Variants in SLC9B1 observed in about 807,000 individuals in gnomAD.
The protein encoded by SLC9B1 is sodium/hydrogen exchanger 9B1.
In SLC9B1, 32 loss-of-function variants were observed where a neutral mutation model predicts 51.7. The ratio of observed to expected loss-of-function variants is 0.62; its 90% CI spans 0.47 to 0.83. SLC9B1 has a LOEUF of 0.83. SLC9B1 is among the 40% of genes least tolerant of loss of function. The pLI is 0.00. For synonymous variants in SLC9B1, 145 were observed against 212.7 expected (o/e 0.68, Z 2.77); for missense variants, 406 against 613.2 (o/e 0.66, Z 3.57).
rs1315896123 is a variant in SLC9B1 at position 102,901,317 on chromosome 4, G to T, written c.1348C>A (p.Leu450Met). The change falls in exon 12 of 12, where the codon CTG becomes ATG. Residue 450 changes from leucine (L) to methionine (M), a missense_variant. Physicochemically the swap from Leu to Met is conservative, Grantham distance 15 (BLOSUM62 2). This residue lies in a region of SLC9B1 where 24 missense variants were observed against 30.7 expected (regional missense o/e 0.78). Transcript: ENST00000296422. ...GAGACTCTTGCTGTTTCTAGAGCCAGAGGACCTAACACAGCCTGCATTTAG... is the reference window on the plus strand; with the variant it reads ...GAGACTCTTGCTGTTTCTAGAGCCATAGGACCTAACACAGCCTGCATTTAG... ...KATVQAVLGPLALETARVSAP... is the reference protein window; with the variant it reads ...KATVQAVLGPMALETARVSAP... The T allele has an allele frequency of 6.2e-7, 1 of 1,612,016 alleles. No individual in the cohort carries two copies. The highest frequency in any genetic ancestry group is 1.1e-5 in the South Asian group (1 of 90,996).
chr4:102,925,670 CA>C (rs1180914892), intron 7 of SLC9B1, among the ~76,000 whole-genome samples: 1 of 111,904 alleles, frequency 8.9e-6, no homozygotes, highest in African/African-American at 3.9e-5. Context: ...TTGAAAACAT[CA>C]AAAAAATTAA....
chr4:102,980,106 G>A (rs1031030050), intron 3 of SLC9B1, among the ~76,000 whole-genome samples: 1 of 152,122 alleles, frequency 6.6e-6, no homozygotes. Flanking sequence ...ACAAATGCTG[G>A]TGATGTTCAG....
intron 7 of SLC9B1, among the ~76,000 whole-genome samples, chr4:102,915,335 G>A (rs1735527292): frequency 6.6e-6 from 1 of 152,208 alleles, no homozygotes; most frequent in South Asian, 2.1e-4. Context: ...AAATATATGA[G>A]TGAACATAGA....
At chr4:103,000,915 A>G (rs778375945) in intron 1 of SLC9B1, among the ~76,000 whole-genome samples, 2 of 152,258 alleles carry the variant, frequency 1.3e-5, no homozygotes, top group Non-Finnish European at 2.9e-5. Context: ...GAGGGGGTCC[A>G]ACCCTACATT....
intron 10 of SLC9B1, 180 bp downstream of exon 10, chr4:102,906,356 T>TA (rs944226930): frequency 0.014 from 4,664 of 337,070 alleles, 2 homozygotes; most frequent in Middle Eastern, 0.029. Context: ...CCTTGGTTTA[T>TA]AAAAAAAAAA....
At chr4:102,916,837 G>A (rs1359084692) in intron 7 of SLC9B1, among the ~76,000 whole-genome samples, 3 of 152,194 alleles carry the variant, frequency 2.0e-5, no homozygotes, top group African/African-American at 7.2e-5. Flanking sequence ...TAACCAATTG[G>A]CCTGTATGGT....
At chr4:102,915,030 G>C (rs1735512861) in intron 7 of SLC9B1, among the ~76,000 whole-genome samples, 1 of 152,010 alleles carries the variant, frequency 6.6e-6, no homozygotes, top group African/African-American at 2.4e-5. Context: ...ATGCCATATG[G>C]TTATCAGTGG....
At chr4:102,982,089 G>C (rs935426593) in intron 3 of SLC9B1, among the ~76,000 whole-genome samples, 2 of 151,036 alleles carry the variant, frequency 1.3e-5, no homozygotes, top group Non-Finnish European at 2.9e-5. Flanking sequence ...TAAGGTCTAT[G>C]TATAGATTCC....
intron 1 of SLC9B1, among the ~76,000 whole-genome samples, chr4:103,008,519 C>G (rs1740914023): frequency 6.6e-6 from 1 of 150,834 alleles, no homozygotes; most frequent in Non-Finnish European, 1.5e-5. Context: ...GTAGCTGGGA[C>G]TACCGACGTG....
chr4:102,886,631 C>T (rs1220016287), intron 11 of SLC9B1, among the ~76,000 whole-genome samples: 5 of 151,758 alleles, frequency 3.3e-5, no homozygotes, highest in African/African-American at 9.7e-5. Context: ...TTTATTTTTG[C>T]GGGGGACAGA....
At chr4:102,949,118 A>C (rs2110476463) in intron 4 of SLC9B1, 139 bp downstream of exon 4, 1 of 714,124 alleles carries the variant, frequency 1.4e-6, no homozygotes, top group Non-Finnish European at 2.2e-6. Context: ...ACACACACAT[A>C]CAGTAAATAC....
intron 7 of SLC9B1, among the ~76,000 whole-genome samples, chr4:102,930,963 G>A (rs1578357232): frequency 6.6e-6 from 1 of 151,894 alleles, no homozygotes; most frequent in Non-Finnish European, 1.5e-5. Context: ...GATGTCTCAC[G>A]CCTGTAATCC....
At chr4:102,917,807 C>T (rs1735658503) in intron 7 of SLC9B1, among the ~76,000 whole-genome samples, 1 of 152,026 alleles carries the variant, frequency 6.6e-6, no homozygotes, top group Admixed American at 6.6e-5. Flanking sequence ...CAATGGCTCA[C>T]GACTGTAATC....
At chr4:102,995,176 T>C (rs1055055966) in intron 1 of SLC9B1, among the ~76,000 whole-genome samples, 10 of 152,208 alleles carry the variant, frequency 6.6e-5, no homozygotes, top group African/African-American at 1.7e-4. Flanking sequence ...CCTACTCTTC[T>C]GGCCTCTGAA....
intron 2 of SLC9B1, 129 bp from the exon 3 acceptor site, chr4:102,990,070 G>A: frequency 1.4e-6 from 1 of 717,458 alleles, no homozygotes; most frequent in East Asian, 3.1e-5. Flanking sequence ...AGATACAAAA[G>A]AAGATTCATG....
chr4:102,939,513 CA>C (rs991976306), intron 6 of SLC9B1, among the ~76,000 whole-genome samples: 3 of 151,300 alleles, frequency 2.0e-5, no homozygotes, highest in African/African-American at 7.3e-5. Flanking sequence ...GAAATTATTC[CA>C]AAAAAATGAG....
intron 7 of SLC9B1, among the ~76,000 whole-genome samples, chr4:102,929,375 C>T (rs1736338322): frequency 6.6e-6 from 1 of 152,192 alleles, no homozygotes; most frequent in South Asian, 2.1e-4. Flanking sequence ...AATTACTTAA[C>T]ATCTTTCTCA....
At chr4:103,000,971 C>T (rs2110529655) in intron 1 of SLC9B1, among the ~76,000 whole-genome samples, 1 of 152,328 alleles carries the variant, frequency 6.6e-6, no homozygotes, top group East Asian at 1.9e-4. Context: ...GAGGCTCCAC[C>T]CCTGTACCAA....
chr4:102,896,778 G>A (rs1734561934), downstream of SLC9B1: 2 of 152,298 alleles, frequency 1.3e-5, no homozygotes, highest in South Asian at 4.1e-4. Flanking sequence ...CAAGGGTGAT[G>A]GCATTGTACA....
Sources: gnomAD v4.1 joint callset for allele counts (sites outside exome capture counted in the v4.1 genomes callset) on GRCh38, gnomAD v4.1.1 for gene constraint, gnomAD v4.1.1 regional missense constraint, MANE v1.5 for transcripts, NCBI Gene and HGNC (gene_info 2026-07-23, HGNC 2026-07-21) for gene names.